B3GNT2: variants seen among roughly 807,000 people sequenced by gnomAD.
B3GNT2 encodes UDP-GlcNAc:betaGal beta-1,3-N-acetylglucosaminyltransferase 2, also known as N-acetyllactosaminide beta-1,3-N-acetylglucosaminyltransferase 2.
Under a neutral mutation model 27.6 loss-of-function variants are expected in B3GNT2, and 12 were observed. That is an observed-to-expected ratio of 0.44 (90% CI 0.28 to 0.71). The LOEUF (loss-of-function observed/expected upper bound fraction) is 0.71, where lower values mean the gene tolerates loss of function less well. Among genes scored for constraint, B3GNT2 ranks in the 30% least tolerant of loss-of-function variants. B3GNT2 has a pLI of 0.17. For synonymous variants in B3GNT2, 192 were observed against 189.7 expected, an observed-to-expected ratio of 1.01 and a Z score of -0.10; for missense variants, 413 against 488.5, an observed-to-expected ratio of 0.85 and a Z score of 1.46.
chr2:62,223,352 AGAAAAC>A lies in B3GNT2; in HGVS notation c.1133_1138del (p.Arg378_Pro380delinsThr). On this transcript the variant is annotated inframe_deletion, in exon 2 of 2. Transcript: ENST00000301998. The stretch of plus-strand genomic sequence containing the variant: ...TGTAGATCTGATGTTAGTACATAGT[AGAAAAC>A]CTCAAGAGATGATTGATATTTGGTC... The A allele has an allele frequency of 6.2e-7, 1 of 1,614,082 alleles. No homozygotes were observed. The highest frequency in any genetic ancestry group is 8.5e-7 in the Non-Finnish European group (1 of 1,179,992).
intron 1 of B3GNT2, among the ~76,000 whole-genome samples, chr2:62,213,909 C>A (rs1254103677): frequency 3.9e-5 from 6 of 152,066 alleles, no homozygotes; most frequent in African/African-American, 2.4e-5. Flanking sequence ...GTATCTGTTC[C>A]TTTAGCAAAT....
chr2:62,212,644 C>T (rs530248176), intron 1 of B3GNT2, among the ~76,000 whole-genome samples: 3 of 151,838 alleles, frequency 2.0e-5, no homozygotes, highest in Admixed American at 6.6e-5. Context: ...TGTGGGGGAT[C>T]TCTGGCCTAG....
rs7606275 is a variant in B3GNT2 at position 62,198,806 on chromosome 2, A to T, written c.-10+2451A>T. Among the ~76,000 whole-genome samples, 1,511 of 151,704 alleles carry T rather than the reference A, an allele frequency of 1.0e-2. 14 individuals carry two copies. Among genetic ancestry groups the T allele is most frequent in the African/African-American group, 0.024 (1,000 of 41,450 alleles). ...ACTGTTCAGATATGTGGTTTTTTTT[A>T]AAAAAAATAGTTGCATTAGTGAGGC... On this transcript the variant is annotated intron_variant, in intron 1 of 1. Coordinates refer to ENST00000301998, the MANE Select transcript of B3GNT2 (RefSeq NM_006577.6).
chr2:62,220,536 T>C (rs1674670380), intron 1 of B3GNT2, among the ~76,000 whole-genome samples: 1 of 152,172 alleles, frequency 6.6e-6, no homozygotes, highest in Admixed American at 6.5e-5. Flanking sequence ...ATCCTCTCCT[T>C]TCAAAAAGCA....
chr2:62,213,049 A>G (rs1031262623), intron 1 of B3GNT2, among the ~76,000 whole-genome samples: 4 of 152,192 alleles, frequency 2.6e-5, no homozygotes, highest in Non-Finnish European at 5.9e-5. Flanking sequence ...AGGGCTTCCA[A>G]TATGCATTAA....
intron 1 of B3GNT2, among the ~76,000 whole-genome samples, chr2:62,213,153 A>C (rs149075331): frequency 2.9e-4 from 44 of 152,300 alleles, no homozygotes; most frequent in African/African-American, 1.0e-3. Context: ...TCTACAAAAA[A>C]ATTTAAAAAA....
chr2:62,205,724 A>G (rs1234105785), intron 1 of B3GNT2: 2 of 152,302 alleles, frequency 1.3e-5, no homozygotes, highest in Non-Finnish European at 2.9e-5. Context: ...ATTTAACTGG[A>G]TGCTCAGTGT....
intron 1 of B3GNT2, among the ~76,000 whole-genome samples, chr2:62,213,679 C>T (rs915954946): frequency 2.0e-5 from 3 of 152,194 alleles, no homozygotes; most frequent in African/African-American, 7.2e-5. Flanking sequence ...ATGGAGTCAG[C>T]ACTGCTGAAA....
rs570670579 is a variant in B3GNT2 at position 62,207,890 on chromosome 2, G to A, written c.-10+11535G>A. On this transcript the variant is annotated intron_variant, in intron 1 of 1. Transcript: ENST00000301998. ...ATTATTCTTGCCTGGGAAAATAATG[G>A]ATTGAATTTGATTGCCTGAGTGCTT... Among the ~76,000 whole-genome samples the A allele has an allele frequency of 2.6e-5, 4 of 152,248 alleles. No individual in the cohort carries two copies. In the South Asian group the frequency reaches 8.3e-4, roughly 32 times the overall value.
chr2:62,223,357 A>G lies in B3GNT2; in HGVS notation c.1137A>G (p.Lys379=). 1 of 1,613,676 alleles carries G rather than the reference A, an allele frequency of 6.2e-7. No homozygotes were observed. The highest frequency in any genetic ancestry group is 8.5e-7 in the Non-Finnish European group (1 of 1,179,852). ...ATCTGATGTTAGTACATAGTAGAAAACCTCAAGAGATGATTGATATTTGGT... is the reference window on the plus strand; with the variant it reads ...ATCTGATGTTAGTACATAGTAGAAAGCCTCAAGAGATGATTGATATTTGGT... ...YVDLMLVHSR[K]PQEMIDIWSQ... The change falls in exon 2 of 2, where the codon AAA becomes AAG. Residue 379 remains lysine, a synonymous_variant. Coordinates refer to ENST00000301998, the MANE Select transcript of B3GNT2 (RefSeq NM_006577.6).
chr2:62,222,744 C>T lies in B3GNT2; in HGVS notation c.524C>T (p.Thr175Met), dbSNP rs149533514. The T allele has an allele frequency of 3.7e-6, 6 of 1,614,224 alleles. No individual in the cohort carries two copies. The highest frequency in any genetic ancestry group is 2.2e-5 in the East Asian group (1 of 44,890). Residue 175 changes from threonine to methionine, a missense_variant, in exon 2 of 2, where the codon ACG becomes ATG. Coordinates refer to ENST00000301998, the MANE Select transcript of B3GNT2 (RefSeq NM_006577.6). This position sits in a 1 kb window ranked among gnomAD's most constrained non-coding sequence, Gnocchi z 4.2. ...WGQESNAGNQ[T>M]VVRVFLLGQT... ...CAAGAAAGCAACGCAGGGAACCAAA[C>T]GGTGGTGCGAGTCTTCCTGCTGGGC...
rs2104217779 is a variant in B3GNT2, at chr2:62,224,067, A to G, written c.*653A>G. 1 of 167,206 alleles carries G rather than the reference A, an allele frequency of 6.0e-6. No individual in the cohort carries two copies. The highest frequency in any genetic ancestry group is 6.5e-5 in the Admixed American group (1 of 15,302). The allele number at this position is 167,206 out of a possible 1,614,324, so 10.4% of individuals were successfully genotyped here. A position where few individuals can be genotyped will look rare whatever the true frequency, so the allele number is the denominator to read the frequency against. ...GATGTTATGGTCATAATAAGGAGAA[A>G]GAGGGTTTAATTTTTCTTGTATTTG... is the stretch of plus-strand genomic sequence containing the variant. On this transcript the variant is annotated 3_prime_UTR_variant, in exon 2 of 2. Transcript: ENST00000301998.
intron 1 of B3GNT2, among the ~76,000 whole-genome samples, chr2:62,212,542 G>C (rs1249862398): frequency 6.6e-6 from 1 of 151,906 alleles, no homozygotes; most frequent in Non-Finnish European, 1.5e-5. Context: ...ATGACTCCCT[G>C]TGTGTGCCCC....
intron 1 of B3GNT2, among the ~76,000 whole-genome samples, chr2:62,200,982 A>G (rs111505669): frequency 0.014 from 2,121 of 152,344 alleles, 23 homozygotes; most frequent in Non-Finnish European, 0.022. Flanking sequence ...CACTTGTAAA[A>G]TGGGGAAGAT....
intron 1 of B3GNT2, among the ~76,000 whole-genome samples, chr2:62,214,019 A>G (rs1674527005): frequency 2.0e-5 from 3 of 152,164 alleles, no homozygotes; most frequent in Admixed American, 2.0e-4. Flanking sequence ...CCTGATCAGG[A>G]GCAGATACCC....
At position 62,222,364 on chromosome 2, in the gene B3GNT2, C is replaced by A. The variant is rs980888736; in HGVS notation, c.144C>A (p.Phe48Leu). 1.2e-6 allele frequency: 2 copies of A among 1,614,004 alleles called. No homozygotes were observed. The highest frequency in any genetic ancestry group is 2.7e-5 in the African/African-American group (2 of 74,888). The change falls in exon 2 of 2, where the codon TTC (phenylalanine) becomes TTA (leucine). Residue 48 changes from phenylalanine to leucine, a missense_variant. Physicochemically the swap from Phe to Leu is conservative, Grantham distance 22. Coordinates refer to ENST00000301998, the MANE Select transcript of B3GNT2 (RefSeq NM_006577.6). This position sits in a 1 kb window ranked among gnomAD's most constrained non-coding sequence, Gnocchi z 4.2. ...AAGTAATAATACCCAAAGAGAAGTT[C>A]TGGAAGATATCTACCCCTCCCGAGG... ...KGEVIIPKEKFWKISTPPEAY... is the reference protein window; with the variant it reads ...KGEVIIPKEKLWKISTPPEAY...
chr2:62,203,561 G>A (rs753051139), intron 1 of B3GNT2, among the ~76,000 whole-genome samples: 1 of 152,116 alleles, frequency 6.6e-6, no homozygotes, highest in African/African-American at 2.4e-5. Flanking sequence ...GCAGTATTGG[G>A]TGCCCTAGAA....
chr2:62,210,718 C>A (rs988392733), intron 1 of B3GNT2, among the ~76,000 whole-genome samples: 5 of 151,446 alleles, frequency 3.3e-5, no homozygotes, highest in Non-Finnish European at 7.4e-5. Flanking sequence ...TGCAGTGAGC[C>A]GAGATCGCAC....
Position 62,223,857 on chromosome 2 carries a change from T to A in B3GNT2, c.*443T>A, listed in dbSNP as rs1251238061. The A allele has an allele frequency of 6.0e-6, 1 of 167,700 alleles. No individual in the cohort carries two copies. Among genetic ancestry groups the A allele is most frequent in the Non-Finnish European group, 1.5e-5 (1 of 68,586 alleles). 10.4% of individuals were successfully genotyped at this position (167,700 alleles called of 1,614,324 possible). ...CAGTGGTTTTCGTGAAATGGAATTA[T>A]GTTTATTTTTATGGGATTTGGGTAA... On this transcript the variant is annotated 3_prime_UTR_variant, in exon 2 of 2. Transcript: ENST00000301998.
Sources: gnomAD v4.1 joint callset for allele counts (sites outside exome capture counted in the v4.1 genomes callset) on GRCh38, gnomAD v4.1.1 for gene constraint, Gnocchi (gnomAD v3.1) non-coding constraint, MANE v1.5 for transcripts, NCBI Gene and HGNC (gene_info 2026-07-23, HGNC 2026-07-21) for gene names.